The following ELP1 variants were observed in gnomAD, a reference collection of about 807,000 sequenced individuals.
The protein encoded by ELP1 is elongator complex protein 1.
ELP1 carries 131 observed loss-of-function variants against 183.2 expected under a neutral mutation model. That is an observed-to-expected ratio of 0.72 (90% confidence interval 0.62 to 0.83). The LOEUF is 0.83. Ranked by LOEUF, ELP1 falls within the 40% of genes least tolerant of loss-of-function variation. The pLI, the probability that ELP1 is intolerant of heterozygous loss-of-function variation, is 0.00. For missense variants in ELP1, 1,550 were observed against 1,594.9 expected (o/e 0.97, Z 0.48); for synonymous variants, 555 against 569.0 (o/e 0.98, Z 0.35).
rs1437222998 is a variant in ELP1 at position 108,878,700 on chromosome 9, T to C, written c.3623A>G (p.Lys1208Arg). Residue 1208 changes from lysine (K) to arginine (R), a missense_variant, in exon 34 of 37, where the codon AAA (lysine) becomes AGA (arginine). Lys to Arg is a conservative substitution (Grantham distance 26, BLOSUM62 2). Transcript: ENST00000374647. ...RKAERKKHSL[K>R]EGSPLEDLAL... ...CAGGTCCTCCAGCGGACTGCCTTCT[T>C]TGAGGCTGTGCTTCTTCCGCTCCGC... The C allele has an allele frequency of 2.5e-6, 4 of 1,614,194 alleles. No homozygotes were observed. In the South Asian group the frequency reaches 4.4e-5, roughly 18 times the overall value.
In ELP1 at chr9:108,868,728, A is replaced by G; in HGVS notation, c.*387T>C. Reference sequence around the variant, plus strand: ...TTGACCAAATGTAGCACTAATAGCCATTGTAATCTTCTCCGCCAACAAAAT... The same window carrying G: ...TTGACCAAATGTAGCACTAATAGCCGTTGTAATCTTCTCCGCCAACAAAAT... On this transcript the variant is annotated 3_prime_UTR_variant, in exon 37 of 37. Coordinates refer to ENST00000374647, the MANE Select transcript of ELP1 (RefSeq NM_003640.5). 5.5e-6 allele frequency: 3 copies of G among 550,442 alleles called. No homozygotes were observed. The East Asian group carries it at 8.6e-5, about 16-fold the overall frequency. The allele number at this position is 550,442 out of a possible 1,614,324, so 34.1% of individuals were successfully genotyped here. A position where few individuals can be genotyped will look rare whatever the true frequency, so the allele number is the denominator to read the frequency against.
intron 29 of ELP1, among the ~76,000 whole-genome samples, chr9:108,883,120 C>T (rs942443742): frequency 6.6e-6 from 1 of 152,108 alleles, no homozygotes; most frequent in African/African-American, 2.4e-5. Context: ...ATTGCCAAAT[C>T]CAAAGTCATG....
intron 3 of ELP1, 111 bp from the exon 4 acceptor site, chr9:108,927,564 AT>A (rs1829860176): frequency 1.2e-6 from 1 of 825,686 alleles, no homozygotes; most frequent in Admixed American, 1.9e-5. Context: ...ACATCAGTAT[AT>A]GGAAGAGATA....
intron 8 of ELP1, 133 bp downstream of exon 8, chr9:108,918,678 C>T (rs1012904698): frequency 2.8e-6 from 2 of 723,362 alleles, no homozygotes; most frequent in African/African-American, 1.8e-5. Flanking sequence ...AAGATAGATA[C>T]AGCCTTATAA....
At chr9:108,899,155 TA>T (rs749924229) in intron 20 of ELP1, among the ~76,000 whole-genome samples, 5 of 151,524 alleles carry the variant, frequency 3.3e-5, no homozygotes, top group Non-Finnish European at 2.9e-5. Context: ...AAAAAAAAAT[TA>T]GCCAGGCGTG....
chr9:108,915,824 C>A (rs1829411267), intron 10 of ELP1, among the ~76,000 whole-genome samples: 2 of 151,918 alleles, frequency 1.3e-5, no homozygotes, highest in African/African-American at 4.8e-5. Context: ...AAACGCACAT[C>A]AAAAATATGG....
At chr9:108,884,113 C>A (rs576763436) in intron 29 of ELP1, among the ~76,000 whole-genome samples, 16 of 151,848 alleles carry the variant, frequency 1.1e-4, no homozygotes, top group South Asian at 8.3e-4. Context: ...AATGAAAAGA[C>A]TAACCAAGAG....
At chr9:108,888,944 C>T (rs1251960884) in intron 29 of ELP1, among the ~76,000 whole-genome samples, 2 of 152,168 alleles carry the variant, frequency 1.3e-5, no homozygotes, top group East Asian at 3.8e-4. Context: ...GTAAAAGAGA[C>T]ATTTCCAATA....
chr9:108,901,474 G>T lies in ELP1; in HGVS notation c.1965C>A (p.Thr655=). The change falls in exon 18 of 37, where the codon ACC becomes ACA. Residue 655 remains threonine (T), a synonymous_variant. Transcript: ENST00000374647. The stretch of plus-strand genomic sequence containing the variant: ...AAAAACACTGGCAGGTATGGGAATG[G>T]GTTGTCAACAATAAAAACTCATCAT... ...AVYDEFLLLT[T]HSHTCQCFCL... The T allele has an allele frequency of 6.2e-7, 1 of 1,613,466 alleles. No individual in the cohort carries two copies. The highest frequency in any genetic ancestry group is 8.5e-7 in the Non-Finnish European group (1 of 1,179,512).
At chr9:108,886,364 A>G (rs1295719410) in intron 29 of ELP1, among the ~76,000 whole-genome samples, 2 of 152,196 alleles carry the variant, frequency 1.3e-5, no homozygotes, top group African/African-American at 4.8e-5. Flanking sequence ...TACCCAAAAC[A>G]TGGCAAAGAC....
chr9:108,878,808 G>A (rs146478612), intron 33 of ELP1, 58 bp from the exon 34 acceptor site: 2 of 1,589,764 alleles, frequency 1.3e-6, no homozygotes, highest in African/African-American at 1.3e-5. Flanking sequence ...CTACAGGCAT[G>A]TGCTACCTTG....
intron 28 of ELP1, among the ~76,000 whole-genome samples, chr9:108,890,451 A>G (rs1173382383): frequency 1.3e-5 from 2 of 152,164 alleles, no homozygotes; most frequent in Non-Finnish European, 2.9e-5. Flanking sequence ...AGATCTCAAC[A>G]ATATTTACAA....
In ELP1 at chr9:108,879,446, G is replaced by C; in HGVS notation, c.3572C>G (p.Ala1191Gly). The C allele has an allele frequency of 6.2e-7, 1 of 1,601,250 alleles. No homozygotes were observed. The highest frequency in any genetic ancestry group is 8.6e-7 in the Non-Finnish European group (1 of 1,168,270). Residue 1191 changes from alanine (A) to glycine (G), a missense_variant and splice_region_variant, in exon 33 of 37, where the codon GCG becomes GGG. Ala to Gly is a moderately conservative substitution (Grantham distance 60). Transcript: ENST00000374647. ...KYSHSNSRIS[A>G]RSSKNRRKAE... ...TGTGCTGAATCAATGTGATACGTAC[G>C]CTGATATCCTGGAGTTACTATGGGA...
intron 6 of ELP1, among the ~76,000 whole-genome samples, chr9:108,922,512 A>C: frequency 6.6e-6 from 1 of 152,264 alleles, no homozygotes; most frequent in East Asian, 1.9e-4. Flanking sequence ...GAAGGATGGC[A>C]GCTCTCTCTG....
At position 108,919,351 on chromosome 9, in the gene ELP1, TA is replaced by T; in HGVS notation, c.553-3del. 1 of 1,606,848 alleles carries T rather than the reference TA, an allele frequency of 6.2e-7. No individual in the cohort carries two copies. The stretch of plus-strand genomic sequence containing the variant: ...ATCCCAGGGCAAAGCAGACTCATGC[TA>T]AAAAGGGGAACAAACACCAATATTA... On this transcript the variant is annotated splice_region_variant and splice_polypyrimidine_tract_variant and intron_variant, in intron 6 of 36. Coordinates refer to ENST00000374647, the MANE Select transcript of ELP1 (RefSeq NM_003640.5).
At chr9:108,912,918 C>A (rs1414020228) in intron 10 of ELP1, among the ~76,000 whole-genome samples, 1 of 104,260 alleles carries the variant, frequency 9.6e-6, no homozygotes. Flanking sequence ...CCACACCCGG[C>A]TAATTTTTTT....
chr9:108,909,769 A>T (rs2132010652), intron 12 of ELP1, among the ~76,000 whole-genome samples: 1 of 152,238 alleles, frequency 6.6e-6, no homozygotes, highest in South Asian at 2.1e-4. Flanking sequence ...CCACATATTG[A>T]TGCCGAACAA....
At chr9:108,915,111 T>C (rs995166039) in intron 10 of ELP1, among the ~76,000 whole-genome samples, 4 of 152,226 alleles carry the variant, frequency 2.6e-5, no homozygotes, top group Non-Finnish European at 4.4e-5. Flanking sequence ...CACACACTTA[T>C]ACATTTTAAA....
chr9:108,887,956 T>C (rs1440308640), intron 29 of ELP1, among the ~76,000 whole-genome samples: 2 of 152,194 alleles, frequency 1.3e-5, no homozygotes, highest in African/African-American at 4.8e-5. Flanking sequence ...CCTGTCCCCA[T>C]AAAGACCTGC....
Sources: allele counts gnomAD v4.1 joint callset (sites outside exome capture counted in the v4.1 genomes callset), GRCh38; gene constraint gnomAD v4.1.1; transcripts MANE v1.5; gene names NCBI Gene and HGNC (gene_info 2026-07-23, HGNC 2026-07-21).